Variants in PTPRN2 observed in about 807,000 individuals in gnomAD.
PTPRN2 encodes protein tyrosine phosphatase receptor type N2, also known as receptor-type tyrosine-protein phosphatase N2.
PTPRN2 carries 74 observed loss-of-function variants against 118.8 expected under a neutral mutation model. The observed-to-expected ratio is 0.62, with a 90% CI of 0.52 to 0.76. PTPRN2 has a LOEUF of 0.76. PTPRN2 is among the 30% of genes least tolerant of loss of function. The pLI is 0.00. For synonymous variants in PTPRN2, 641 were observed against 608.0 expected, an observed-to-expected ratio of 1.05 and a Z score of -0.80; for missense variants, 1,481 against 1,394.4, an observed-to-expected ratio of 1.06 and a Z score of -0.99.
intron 2 of PTPRN2, among the ~76,000 whole-genome samples, chr7:158,450,075 A>T (rs1305080154): frequency 1.3e-5 from 2 of 152,198 alleles, no homozygotes; most frequent in African/African-American, 4.8e-5. Context: ...CTGGCTTCTC[A>T]CCGCGTCCTT....
At chr7:158,265,299 C>T (rs1260893069) in intron 3 of PTPRN2, among the ~76,000 whole-genome samples, 1 of 152,152 alleles carries the variant, frequency 6.6e-6, no homozygotes, top group African/African-American at 2.4e-5. Flanking sequence ...CAGACACGAG[C>T]ACATACCTGC....
chr7:158,244,021 C>T (rs936291435), intron 3 of PTPRN2, among the ~76,000 whole-genome samples: 4 of 152,208 alleles, frequency 2.6e-5, no homozygotes, highest in Non-Finnish European at 5.9e-5. Context: ...CTACTTAGTG[C>T]TGATCCCTCC....
intron 1 of PTPRN2, among the ~76,000 whole-genome samples, chr7:158,551,297 C>G (rs1037181836): frequency 1.1e-4 from 17 of 152,244 alleles, no homozygotes; most frequent in Admixed American, 6.5e-4. Context: ...GAGCCACTCT[C>G]GTGACCTCAC....
At chr7:158,580,463 T>C (rs1443010098) in intron 1 of PTPRN2, among the ~76,000 whole-genome samples, 1 of 152,210 alleles carries the variant, frequency 6.6e-6, no homozygotes, top group Non-Finnish European at 1.5e-5. Context: ...TACAGAACAC[T>C]GCATCAGAAG....
chr7:158,215,928 G>A (rs1174433744), intron 3 of PTPRN2, among the ~76,000 whole-genome samples: 1 of 152,136 alleles, frequency 6.6e-6, no homozygotes, highest in Non-Finnish European at 1.5e-5. Context: ...GGAGCATCAG[G>A]AAGAATGCAA....
intron 2 of PTPRN2, among the ~76,000 whole-genome samples, chr7:158,341,361 C>T (rs1195409420): frequency 6.6e-6 from 1 of 151,316 alleles, no homozygotes; most frequent in South Asian, 2.1e-4. Context: ...AGAGGTAACA[C>T]ATGCAGACGT....
chr7:158,043,413 G>C (rs974117826), intron 11 of PTPRN2, among the ~76,000 whole-genome samples: 5 of 149,518 alleles, frequency 3.3e-5, no homozygotes, highest in Non-Finnish European at 5.9e-5. Context: ...ACATCAGAGG[G>C]ACTCTCATGA....
intron 6 of PTPRN2, among the ~76,000 whole-genome samples, chr7:158,146,358 C>A (rs1195569846): frequency 6.6e-6 from 1 of 152,180 alleles, no homozygotes; most frequent in African/African-American, 2.4e-5. Flanking sequence ...CACCCACTAA[C>A]CTACCCATTG....
At chr7:158,547,496 G>C (rs1441706411) in intron 1 of PTPRN2, among the ~76,000 whole-genome samples, 1 of 152,170 alleles carries the variant, frequency 6.6e-6, no homozygotes, top group Admixed American at 6.5e-5. Context: ...TTCCGTGTCT[G>C]GCTTATTCCA....
At chr7:158,279,682 C>T (rs766517383) in intron 3 of PTPRN2, among the ~76,000 whole-genome samples, 1 of 152,136 alleles carries the variant, frequency 6.6e-6, no homozygotes, top group African/African-American at 2.4e-5. Flanking sequence ...CCACAAGCCC[C>T]GTGTGCAGCC....
At chr7:157,975,436 C>G (rs145009195) in intron 11 of PTPRN2, among the ~76,000 whole-genome samples, 1,685 of 152,288 alleles carry the variant, frequency 0.011, 40 homozygotes, top group African/African-American at 0.037. Flanking sequence ...CCATTGTGTC[C>G]TCTTGCTCTC....
At chr7:158,459,803 G>C (rs2464331) in intron 2 of PTPRN2, among the ~76,000 whole-genome samples, 2 of 85,768 alleles carry the variant, frequency 2.3e-5, no homozygotes, top group African/African-American at 4.5e-5. Flanking sequence ...TCCTAGAGGG[G>C]CTGTGTACCG....
intron 12 of PTPRN2, among the ~76,000 whole-genome samples, chr7:157,689,835 C>T (rs951132016): frequency 4.6e-5 from 7 of 152,118 alleles, no homozygotes; most frequent in Non-Finnish European, 8.8e-5. Flanking sequence ...CTGCAGGCCC[C>T]CTCGGTTCCC....
intron 3 of PTPRN2, among the ~76,000 whole-genome samples, chr7:158,271,704 T>C (rs1798525378): frequency 6.6e-6 from 1 of 152,222 alleles, no homozygotes. Flanking sequence ...TTTCTCACAG[T>C]TCTGGAGATA....
intron 3 of PTPRN2, among the ~76,000 whole-genome samples, chr7:158,230,345 A>C (rs969891580): frequency 1.3e-5 from 2 of 152,234 alleles, no homozygotes; most frequent in African/African-American, 4.8e-5. Context: ...TAAGCACTCA[A>C]ACTAACCCAG....
At chr7:158,083,948 C>T (rs1011782555) in intron 10 of PTPRN2, among the ~76,000 whole-genome samples, 24 of 152,252 alleles carry the variant, frequency 1.6e-4, no homozygotes, top group Non-Finnish European at 2.8e-4. Flanking sequence ...CAGGCTCTGA[C>T]GTGGGAAGAA....
Position 158,308,840 on chromosome 7 carries a change from C to T in PTPRN2, c.277+7979G>A, listed in dbSNP as rs182120883. 1.5e-4 allele frequency among the ~76,000 whole-genome samples: 23 copies of T among 152,066 alleles called. No homozygotes were observed. The East Asian group carries it at 4.1e-3, about 27-fold the overall frequency. On this transcript the variant is annotated intron_variant, in intron 3 of 22. Coordinates refer to ENST00000389418, the MANE Select transcript of PTPRN2 (RefSeq NM_002847.5). ...AAATTACAAGGACTATACAGAAATA[C>T]TATAAGTAATCATATGCCAACAAAC...
At chr7:158,222,861 GA>G (rs935504391) in intron 3 of PTPRN2, among the ~76,000 whole-genome samples, 9 of 151,730 alleles carry the variant, frequency 5.9e-5, no homozygotes, top group African/African-American at 2.2e-4. Flanking sequence ...ATTTAAGTGA[GA>G]AAAAAATAGA....
At chr7:157,823,933 G>C (rs1300092299) in intron 12 of PTPRN2, among the ~76,000 whole-genome samples, 3 of 152,064 alleles carry the variant, frequency 2.0e-5, no homozygotes, top group Non-Finnish European at 2.9e-5. Context: ...TCCACAGCTG[G>C]GTATGAGACA....
Sources: allele counts gnomAD v4.1 joint callset (sites outside exome capture counted in the v4.1 genomes callset), GRCh38; gene constraint gnomAD v4.1.1; transcripts MANE v1.5; gene names NCBI Gene and HGNC (gene_info 2026-07-23, HGNC 2026-07-21).